RARB: variants seen among roughly 807,000 people sequenced by gnomAD.
RARB encodes the protein HBV-activated protein.
RARB carries 17 observed loss-of-function variants against 51.9 expected under a neutral mutation model. The ratio of observed to expected loss-of-function variants is 0.33; its 90% CI spans 0.22 to 0.49. The LOEUF (loss-of-function observed/expected upper bound fraction) is 0.49. RARB is among the 20% of genes least tolerant of loss of function. RARB has a pLI of 0.99. For synonymous variants in RARB, 215 were observed against 195.4 expected, an observed-to-expected ratio of 1.10 and a Z score of -0.84; for missense variants, 369 against 550.8, an observed-to-expected ratio of 0.67 and a Z score of 3.30.
At chr3:25,225,186 G>A (rs1010149459) in intron 5 of RARB, among the ~76,000 whole-genome samples, 1 of 152,024 alleles carries the variant, frequency 6.6e-6, no homozygotes, top group Admixed American at 6.6e-5. Flanking sequence ...TACATGTTTA[G>A]GTGCTCTATA....
At chr3:25,023,517 A>T (rs1010683180) in intron 2 of RARB, among the ~76,000 whole-genome samples, 1 of 152,148 alleles carries the variant, frequency 6.6e-6, no homozygotes, top group African/African-American at 2.4e-5. Context: ...TTGCTTCAAC[A>T]TAAGGGAAAC....
chr3:25,528,033 T>C (rs1698729735), intron 3 of RARB, among the ~76,000 whole-genome samples: 1 of 152,100 alleles, frequency 6.6e-6, no homozygotes, highest in South Asian at 2.1e-4. Context: ...CTTAGGAAAA[T>C]GCTTGCCAAA....
At chr3:25,016,619 C>T (rs1047845583) in intron 2 of RARB, among the ~76,000 whole-genome samples, 2 of 152,150 alleles carry the variant, frequency 1.3e-5, no homozygotes, top group Non-Finnish European at 2.9e-5. Flanking sequence ...TAGTACAAAA[C>T]TTAAGTGTGC....
intron 2 of RARB, among the ~76,000 whole-genome samples, chr3:24,951,294 G>T (rs1203072450): frequency 2.6e-5 from 4 of 152,118 alleles, no homozygotes; most frequent in East Asian, 1.9e-4. Flanking sequence ...ATGCAGAGGA[G>T]GAAAATCACA....
chr3:25,290,917 T>A (rs969308850), intron 5 of RARB, among the ~76,000 whole-genome samples: 10 of 152,170 alleles, frequency 6.6e-5, no homozygotes, highest in African/African-American at 1.9e-4. Context: ...TGAAATTATA[T>A]CATCGCCAGT....
At chr3:25,336,500 T>A (rs935305740) in intron 5 of RARB, among the ~76,000 whole-genome samples, 3 of 152,226 alleles carry the variant, frequency 2.0e-5, no homozygotes, top group Admixed American at 6.5e-5. Context: ...AAACCTCTTG[T>A]GGGCAAAAAT....
chr3:25,230,063 A>G (rs908521250), intron 5 of RARB, among the ~76,000 whole-genome samples: 7 of 152,142 alleles, frequency 4.6e-5, no homozygotes, highest in Admixed American at 2.6e-4. Context: ...TAATGAATGA[A>G]GTATGCTTAT....
At chr3:25,218,453 T>C (rs1701880801) in intron 5 of RARB, among the ~76,000 whole-genome samples, 1 of 152,022 alleles carries the variant, frequency 6.6e-6, no homozygotes, top group African/African-American at 2.4e-5. Context: ...CATTGTAAAA[T>C]AGAAACATGC....
chr3:25,070,003 G>T (rs1439521764), intron 3 of RARB, among the ~76,000 whole-genome samples: 1 of 152,192 alleles, frequency 6.6e-6, no homozygotes, highest in Non-Finnish European at 1.5e-5. Flanking sequence ...AGGCTTAGAA[G>T]TCTGGAATCA....
intron 5 of RARB, among the ~76,000 whole-genome samples, chr3:25,296,590 A>G (rs889462118): frequency 1.1e-4 from 17 of 152,210 alleles, no homozygotes; most frequent in African/African-American, 4.1e-4. Flanking sequence ...TATTGTAATT[A>G]TTCAGTGGTA....
intron 5 of RARB, among the ~76,000 whole-genome samples, chr3:25,179,727 G>C (rs1274031018): frequency 1.3e-5 from 2 of 152,144 alleles, no homozygotes; most frequent in Non-Finnish European, 2.9e-5. Flanking sequence ...TAGGCCCAGA[G>C]TCATGTGTAT....
At chr3:24,925,889 C>T (rs901939331) in intron 2 of RARB, among the ~76,000 whole-genome samples, 11 of 151,958 alleles carry the variant, frequency 7.2e-5, no homozygotes, top group Admixed American at 5.9e-4. Context: ...TGTCTCTTAA[C>T]TAGCTTGTAT....
At chr3:25,376,243 C>G (rs1312647501) in intron 5 of RARB, among the ~76,000 whole-genome samples, 3 of 152,174 alleles carry the variant, frequency 2.0e-5, no homozygotes, top group Non-Finnish European at 4.4e-5. Context: ...CATGCTCTTA[C>G]CTACCTGGAA....
chr3:25,512,461 T>TATTA (rs1553626098), intron 3 of RARB, among the ~76,000 whole-genome samples: 1 of 152,182 alleles, frequency 6.6e-6, no homozygotes, highest in Non-Finnish European at 1.5e-5. Context: ...TGTCCAAATG[T>TATTA]GTTAGCATGG....
chr3:25,370,722 G>A (rs545350522), intron 5 of RARB, among the ~76,000 whole-genome samples: 10 of 152,298 alleles, frequency 6.6e-5, no homozygotes, highest in Admixed American at 1.3e-4. Flanking sequence ...AGGACCAGGC[G>A]TGTATCATGT....
intron 2 of RARB, among the ~76,000 whole-genome samples, chr3:24,968,324 T>A (rs1301236769): frequency 1.3e-5 from 2 of 152,108 alleles, no homozygotes; most frequent in Admixed American, 1.3e-4. Flanking sequence ...GGGTACAAGA[T>A]CTTCATTCTT....
chr3:25,289,394 A>T (rs1039319520), intron 5 of RARB, among the ~76,000 whole-genome samples: 15 of 152,308 alleles, frequency 9.8e-5, no homozygotes, highest in African/African-American at 3.4e-4. Context: ...TGTTACCATC[A>T]GTCACCTCTC....
chr3:24,894,830 G>A (rs1318247091), intron 2 of RARB, among the ~76,000 whole-genome samples: 3 of 152,174 alleles, frequency 2.0e-5, no homozygotes, highest in African/African-American at 7.2e-5. Flanking sequence ...TTGCCCTCAT[G>A]GAGACCATTA....
rs139582938 is a variant in RARB, at chr3:25,193,182, G to C, written c.178+18607G>C. 6.8e-3 allele frequency among the ~76,000 whole-genome samples: 1,039 copies of C among 152,054 alleles called. 16 individuals carry two copies. The highest frequency in any genetic ancestry group is 0.021 in the African/African-American group (869 of 41,516). Reference sequence around the variant, plus strand: ...AATCTTAACTTTTTGGCTTAGTTGTGTGTCTCCCTTTTCCACTGATCACAA... The same window carrying C: ...AATCTTAACTTTTTGGCTTAGTTGTCTGTCTCCCTTTTCCACTGATCACAA... On this transcript the variant is annotated intron_variant, in intron 5 of 11. Coordinates refer to the RARB transcript ENST00000383772.
Sources: gnomAD v4.1 joint callset for allele counts (sites outside exome capture counted in the v4.1 genomes callset) on GRCh38, gnomAD v4.1.1 for gene constraint, MANE v1.5 for transcripts, NCBI Gene and HGNC (gene_info 2026-07-23, HGNC 2026-07-21) for gene names.